Variants in NFX1 observed in about 807,000 individuals in gnomAD.
NFX1 encodes the protein transcriptional repressor NF-X1.
NFX1 carries 69 observed loss-of-function variants against 137.2 expected under a neutral mutation model. That is an observed-to-expected ratio of 0.50 (90% CI 0.41 to 0.61). The LOEUF (loss-of-function observed/expected upper bound fraction) is 0.61. Ranked by LOEUF, NFX1 falls within the 20% of genes least tolerant of loss-of-function variation. The pLI is 0.00. For synonymous variants in NFX1, 495 were observed against 474.1 expected (o/e 1.04, Z -0.57); for missense variants, 1,167 against 1,391.0 (o/e 0.84, Z 2.56).
chr9:33,340,893 C>G (rs1823195895), intron 12 of NFX1, among the ~76,000 whole-genome samples: 2 of 152,216 alleles, frequency 1.3e-5, no homozygotes, highest in African/African-American at 4.8e-5. Context: ...ACCACCTCAG[C>G]CTGGACATTA....
At chr9:33,291,770 G>A (rs1295758739) in intron 1 of NFX1, among the ~76,000 whole-genome samples, 1 of 152,170 alleles carries the variant, frequency 6.6e-6, no homozygotes, top group Admixed American at 6.5e-5. Context: ...GGGCATGGTG[G>A]CACGCGCCTG....
intron 12 of NFX1, among the ~76,000 whole-genome samples, chr9:33,341,552 A>G (rs1022538453): frequency 1.3e-5 from 2 of 152,174 alleles, no homozygotes; most frequent in Non-Finnish European, 2.9e-5. Context: ...ATTATTTTTT[A>G]AATTTATATA....
intron 14 of NFX1, among the ~76,000 whole-genome samples, chr9:33,345,556 A>C (rs1175846159): frequency 5.9e-5 from 9 of 152,152 alleles, no homozygotes; most frequent in Non-Finnish European, 1.5e-5. Flanking sequence ...TATACCTTAT[A>C]TGTATTTCTC....
At chr9:33,319,771 A>G (rs1454043783) in intron 9 of NFX1, among the ~76,000 whole-genome samples, 1 of 152,026 alleles carries the variant, frequency 6.6e-6, no homozygotes, top group Non-Finnish European at 1.5e-5. Flanking sequence ...TGGGTTCCCA[A>G]AGTGCTGGGA....
At chr9:33,307,173 C>T (rs748365178) in intron 4 of NFX1, 21 bp from the exon 5 acceptor site, 1 of 1,599,220 alleles carries the variant, frequency 6.3e-7, no homozygotes, top group Non-Finnish European at 8.6e-7. Context: ...ACCATTGACT[C>T]TCTGATCTGA....
intron 15 of NFX1, chr9:33,347,689 G>C: frequency 2.3e-6 from 1 of 437,782 alleles, no homozygotes; most frequent in Non-Finnish European, 4.6e-6. Context: ...CGTCTACCCA[G>C]AAGAAAAGAA....
At chr9:33,328,115 A>G (rs1160424602) in intron 9 of NFX1, among the ~76,000 whole-genome samples, 4 of 151,178 alleles carry the variant, frequency 2.6e-5, no homozygotes, top group Middle Eastern at 3.2e-3. Context: ...TGCTCAGGAG[A>G]TTTTCCCACC....
At chr9:33,356,703 T>C (rs1028851928) in intron 19 of NFX1, among the ~76,000 whole-genome samples, 1 of 152,164 alleles carries the variant, frequency 6.6e-6, no homozygotes, top group African/African-American at 2.4e-5. Flanking sequence ...ACAATTCAGC[T>C]TTTTTCCACG....
chr9:33,352,573 T>C, intron 16 of NFX1, 73 bp from the exon 17 acceptor site: 1 of 1,292,448 alleles, frequency 7.7e-7, no homozygotes, highest in Non-Finnish European at 1.1e-6. Flanking sequence ...TAAGAGAGGA[T>C]TTAAGAGTGA....
At chr9:33,360,433 A>G (rs1250273734) in intron 19 of NFX1, among the ~76,000 whole-genome samples, 1 of 152,214 alleles carries the variant, frequency 6.6e-6, no homozygotes, top group African/African-American at 2.4e-5. Context: ...AGCTTGGCAC[A>G]TAGTAGGTAC....
rs765316135 is a variant in NFX1, at chr9:33,290,551, G to C, written c.-22G>C. On this transcript the variant is annotated 5_prime_UTR_variant, in exon 1 of 24. Coordinates refer to ENST00000379540, the MANE Select transcript of NFX1 (RefSeq NM_002504.6). ...CAGTGCTGACTTGGCTGTACAGCTCGATCTAGGTTCTGCGGCACGGGATGG... is the reference window on the plus strand; with the variant it reads ...CAGTGCTGACTTGGCTGTACAGCTCCATCTAGGTTCTGCGGCACGGGATGG... 14 of 1,613,914 alleles carry C rather than the reference G, an allele frequency of 8.7e-6. No homozygotes were observed. In the African/African-American group the frequency reaches 9.3e-5, roughly 11 times the overall value.
At chr9:33,334,290 G>A (rs1165831804) in intron 11 of NFX1, among the ~76,000 whole-genome samples, 1 of 152,046 alleles carries the variant, frequency 6.6e-6, no homozygotes, top group African/African-American at 2.4e-5. Flanking sequence ...CACTGTCTTT[G>A]CAAAAGAATT....
At chr9:33,341,513 C>T (rs1307584287) in intron 12 of NFX1, among the ~76,000 whole-genome samples, 4 of 151,864 alleles carry the variant, frequency 2.6e-5, no homozygotes, top group East Asian at 1.9e-4. Flanking sequence ...CAAGGTAGTA[C>T]GTGTGTATGT....
intron 5 of NFX1, among the ~76,000 whole-genome samples, chr9:33,307,794 C>CT (rs139468485): frequency 8.2e-5 from 7 of 85,324 alleles, no homozygotes; most frequent in South Asian, 4.2e-4. Context: ...TTCTTTCTTT[C>CT]TTTTTTTTTT....
intron 19 of NFX1, among the ~76,000 whole-genome samples, chr9:33,355,791 T>G (rs1032413193): frequency 2.2e-4 from 34 of 152,160 alleles, no homozygotes; most frequent in African/African-American, 8.2e-4. Flanking sequence ...ATTACAGGTG[T>G]GTACCACCAT....
chr9:33,313,360 A>G (rs933738477), intron 6 of NFX1, among the ~76,000 whole-genome samples: 2 of 152,030 alleles, frequency 1.3e-5, no homozygotes, highest in African/African-American at 4.8e-5. Context: ...AGCCTGAGGC[A>G]GGAGGATCGC....
rs932355592 is a variant in NFX1 at position 33,294,745 on chromosome 9, A to C, written c.351A>C (p.Arg117Ser). Residue 117 changes from arginine (R) to serine (S), a missense_variant, in exon 2 of 24, where the codon AGA becomes AGC. By Grantham distance (110) the Arg-to-Ser change is moderately radical. This residue lies in a region of NFX1 where 367 missense variants were observed against 386.7 expected (regional missense o/e 0.95). Transcript: ENST00000379540. ...TGAGGAATGAGAAGCACCATATCAG[A>C]GTCAAGAAAGCACAGAGTCTTGCTG... ...QKLRNEKHHI[R>S]VKKAQSLAEQ... 4 of 1,614,152 alleles carry C rather than the reference A, an allele frequency of 2.5e-6. No individual in the cohort carries two copies. Among genetic ancestry groups the C allele is most frequent in the Non-Finnish European group, 3.4e-6 (4 of 1,180,044 alleles).
chr9:33,366,902 C>T, intron 22 of NFX1, 128 bp downstream of exon 22: 2 of 1,210,776 alleles, frequency 1.7e-6, no homozygotes, highest in South Asian at 1.6e-5. Flanking sequence ...GGAAAATCTG[C>T]TTCTCTGGCA....
intron 7 of NFX1, among the ~76,000 whole-genome samples, chr9:33,316,311 CT>C (rs76394304): frequency 3.7e-3 from 518 of 140,546 alleles, no homozygotes; most frequent in Middle Eastern, 3.7e-3. Flanking sequence ...CTTACCAAGC[CT>C]TTTTTTTTTT....
Sources: allele counts gnomAD v4.1 joint callset (sites outside exome capture counted in the v4.1 genomes callset), GRCh38; gene constraint gnomAD v4.1.1; regional missense constraint gnomAD v4.1.1; transcripts MANE v1.5; gene names NCBI Gene and HGNC (gene_info 2026-07-23, HGNC 2026-07-21).